Variants in ZDHHC14 observed in about 807,000 individuals in gnomAD.
ZDHHC14 encodes the protein zDHHC palmitoyltransferase 14.
In ZDHHC14, 16 loss-of-function variants were observed where a neutral mutation model predicts 47.7. The ratio of observed to expected loss-of-function variants is 0.34; its 90% CI spans 0.23 to 0.51. The LOEUF is 0.51. Among genes scored for constraint, ZDHHC14 ranks in the 20% least tolerant of loss-of-function variants. The pLI is 0.97. For missense variants in ZDHHC14, 515 were observed against 662.5 expected (o/e 0.78, Z 2.44); for synonymous variants, 293 against 278.9 (o/e 1.05, Z -0.50).
intron 1 of ZDHHC14, among the ~76,000 whole-genome samples, chr6:157,513,474 G>C (rs1326220673): frequency 1.3e-5 from 2 of 152,094 alleles, no homozygotes; most frequent in Non-Finnish European, 2.9e-5. Context: ...TTAGTGCTTT[G>C]TTACTTTTTA....
intron 1 of ZDHHC14, among the ~76,000 whole-genome samples, chr6:157,540,910 G>GTGTGTATATATATATATATATATA (rs1284429244): frequency 1.2e-4 from 15 of 122,974 alleles, no homozygotes; most frequent in African/African-American, 4.8e-4. Flanking sequence ...GTGTGTGTGT[G>GTGTGTATATATATATATATATATA]TATATATATA....
chr6:157,638,847 C>T (rs1187075110), intron 5 of ZDHHC14, among the ~76,000 whole-genome samples: 1 of 152,206 alleles, frequency 6.6e-6, no homozygotes. Context: ...GTGGCAGGGA[C>T]CTCCGTGCAG....
At chr6:157,533,262 T>G (rs146067589) in intron 1 of ZDHHC14, among the ~76,000 whole-genome samples, 2 of 152,132 alleles carry the variant, frequency 1.3e-5, no homozygotes, top group South Asian at 4.1e-4. Context: ...TGCATTGAGC[T>G]TTTTTCTAGT....
intron 1 of ZDHHC14, among the ~76,000 whole-genome samples, chr6:157,411,793 TG>T (rs1274729659): frequency 1.3e-5 from 2 of 151,624 alleles, no homozygotes; most frequent in Admixed American, 1.3e-4. Flanking sequence ...CAGGCATCTC[TG>T]ATGTGTGGCC....
intron 1 of ZDHHC14, chr6:157,529,267 C>T (rs1208034940): frequency 2.6e-5 from 4 of 154,532 alleles, no homozygotes; most frequent in African/African-American, 9.6e-5. Context: ...TGAGTATAAC[C>T]TGGGAATTTT....
chr6:157,605,154 T>G (rs1190720847), intron 3 of ZDHHC14, among the ~76,000 whole-genome samples: 1 of 152,248 alleles, frequency 6.6e-6, no homozygotes, highest in Non-Finnish European at 1.5e-5. Flanking sequence ...TTTTGAAAGC[T>G]TAATATGTGT....
At chr6:157,437,371 C>T (rs894694391) in intron 1 of ZDHHC14, among the ~76,000 whole-genome samples, 1 of 152,208 alleles carries the variant, frequency 6.6e-6, no homozygotes, top group Admixed American at 6.5e-5. Flanking sequence ...ATAGTAGTGT[C>T]GTGAAGATGA....
chr6:157,397,862 TG>T (rs1292838869), intron 1 of ZDHHC14, among the ~76,000 whole-genome samples: 2 of 152,018 alleles, frequency 1.3e-5, no homozygotes, highest in African/African-American at 4.8e-5. Flanking sequence ...CTGACCACCG[TG>T]TCCATCACGG....
chr6:157,588,095 A>G (rs1205417944), intron 2 of ZDHHC14, among the ~76,000 whole-genome samples: 1 of 151,678 alleles, frequency 6.6e-6, no homozygotes, highest in East Asian at 1.9e-4. Context: ...TGTCTCTACT[A>G]AAAAAAACAC....
rs969790635 is a variant in ZDHHC14, at chr6:157,444,725, G to A, written c.245+62459G>A. Among the ~76,000 whole-genome samples the A allele has an allele frequency of 2.0e-5, 3 of 151,796 alleles. No individual in the cohort carries two copies. The East Asian group carries it at 5.8e-4, about 29-fold the overall frequency. ...TTTGCCCCTACATCCAGGAAAGTCA[G>A]TAACACTTTTCCCACCTCAGTTGCA... On this transcript the variant is annotated intron_variant, in intron 1 of 8. Transcript: ENST00000359775.
chr6:157,396,578 T>C (rs1054700084), intron 1 of ZDHHC14, among the ~76,000 whole-genome samples: 6 of 152,244 alleles, frequency 3.9e-5, no homozygotes, highest in South Asian at 2.1e-4. Context: ...CTCTTTAAGA[T>C]TGAAACCTAT....
chr6:157,524,523 G>T (rs965420907), intron 1 of ZDHHC14, among the ~76,000 whole-genome samples: 1 of 152,110 alleles, frequency 6.6e-6, no homozygotes, highest in African/African-American at 2.4e-5. Flanking sequence ...ACATATACAC[G>T]TTTTCTCTTT....
intron 3 of ZDHHC14, among the ~76,000 whole-genome samples, chr6:157,624,215 C>G (rs996057366): frequency 6.6e-6 from 1 of 152,154 alleles, no homozygotes; most frequent in African/African-American, 2.4e-5. Context: ...CACTAGCCTC[C>G]CCATTGGAAG....
At chr6:157,543,660 C>T (rs1013512389) in intron 2 of ZDHHC14, among the ~76,000 whole-genome samples, 4 of 152,224 alleles carry the variant, frequency 2.6e-5, no homozygotes, top group African/African-American at 9.6e-5. Context: ...TACCATTCCC[C>T]AAGTACTAAA....
chr6:157,539,005 G>A (rs1412458721), intron 1 of ZDHHC14, among the ~76,000 whole-genome samples: 2 of 152,146 alleles, frequency 1.3e-5, no homozygotes, highest in East Asian at 3.8e-4. Context: ...AGCTTCATTT[G>A]GTAGGAACGG....
chr6:157,603,806 C>T lies in ZDHHC14; in HGVS notation c.565+10660C>T, dbSNP rs983678257. Among the ~76,000 whole-genome samples the T allele has an allele frequency of 2.0e-5, 3 of 152,144 alleles. No homozygotes were observed. The East Asian group carries it at 5.8e-4, about 29-fold the overall frequency. ...AGCTACCTGTGGTACTTACTGGCCG[C>T]CATGGCCTAGAGCTGAGACATGCAG... On this transcript the variant is annotated intron_variant, in intron 3 of 8. Transcript: ENST00000359775.
chr6:157,511,657 G>C (rs1780494673), intron 1 of ZDHHC14, among the ~76,000 whole-genome samples: 1 of 151,222 alleles, frequency 6.6e-6, no homozygotes, highest in South Asian at 2.1e-4. Context: ...GCCTACCAAA[G>C]TGCTGGGTTT....
chr6:157,555,685 T>C (rs1782428728), intron 2 of ZDHHC14, among the ~76,000 whole-genome samples: 1 of 152,126 alleles, frequency 6.6e-6, no homozygotes, highest in South Asian at 2.1e-4. Flanking sequence ...AAGGACAGAT[T>C]ATTGTAATGC....
At chr6:157,648,764 T>C (rs1182361805) in intron 7 of ZDHHC14, among the ~76,000 whole-genome samples, 1 of 152,236 alleles carries the variant, frequency 6.6e-6, no homozygotes, top group Non-Finnish European at 1.5e-5. Context: ...CTGGGAGCTC[T>C]TTAAGCAGAA....
Sources: gnomAD v4.1 joint callset for allele counts (sites outside exome capture counted in the v4.1 genomes callset) on GRCh38, gnomAD v4.1.1 for gene constraint, MANE v1.5 for transcripts, NCBI Gene and HGNC (gene_info 2026-07-23, HGNC 2026-07-21) for gene names.